MYRIP: variants seen among roughly 807,000 people sequenced by gnomAD.
MYRIP encodes the protein rab effector MyRIP.
Under a neutral mutation model 98.0 loss-of-function variants are expected in MYRIP, and 49 were observed. That is an observed-to-expected ratio of 0.50 (90% CI 0.40 to 0.63). MYRIP has a LOEUF of 0.63. MYRIP is among the 30% of genes least tolerant of loss of function. MYRIP has a pLI of 0.00. For synonymous variants in MYRIP, 404 were observed against 409.5 expected (o/e 0.99, Z 0.16); for missense variants, 1,004 against 1,058.2 (o/e 0.95, Z 0.71).
chr3:39,839,848 G>C (rs1253347318), intron 1 of MYRIP, among the ~76,000 whole-genome samples: 1 of 151,910 alleles, frequency 6.6e-6, no homozygotes, highest in Non-Finnish European at 1.5e-5. Flanking sequence ...GACTATTATG[G>C]TTTCCGTTCC....
intron 3 of MYRIP, among the ~76,000 whole-genome samples, chr3:40,119,934 A>G (rs1949364223): frequency 6.6e-6 from 1 of 151,928 alleles, no homozygotes; most frequent in African/African-American, 2.4e-5. Context: ...AAATAAATAA[A>G]TAAATAAATA....
chr3:39,899,191 T>TA (rs992385546), intron 1 of MYRIP, among the ~76,000 whole-genome samples: 218 of 151,278 alleles, frequency 1.4e-3, no homozygotes, highest in African/African-American at 4.6e-3. Context: ...CCTTATGATC[T>TA]AAAAAAAAAT....
intron 2 of MYRIP, among the ~76,000 whole-genome samples, chr3:40,036,320 A>AC (rs1372841172): frequency 2.0e-5 from 3 of 149,234 alleles, no homozygotes; most frequent in East Asian, 4.0e-4. Flanking sequence ...AAAAAAAAAA[A>AC]AAAACTTTAT....
chr3:40,163,243 T>G (rs1450214599), intron 5 of MYRIP, among the ~76,000 whole-genome samples: 1 of 152,200 alleles, frequency 6.6e-6, no homozygotes, highest in Non-Finnish European at 1.5e-5. Flanking sequence ...CAAATAAAAT[T>G]TTATCATTTC....
intron 7 of MYRIP, among the ~76,000 whole-genome samples, chr3:40,168,887 T>G (rs1341722211): frequency 1.3e-5 from 2 of 152,236 alleles, no homozygotes; most frequent in Non-Finnish European, 2.9e-5. Flanking sequence ...AAGTGCCGTA[T>G]GCAGGAAGTG....
At chr3:39,845,582 A>G (rs543552858) in intron 1 of MYRIP, among the ~76,000 whole-genome samples, 1 of 152,294 alleles carries the variant, frequency 6.6e-6, no homozygotes, top group African/African-American at 2.4e-5. Context: ...AATAGTTGAC[A>G]TTGTTTTAGT....
At chr3:39,861,112 A>C (rs1390333896) in intron 1 of MYRIP, among the ~76,000 whole-genome samples, 1 of 152,244 alleles carries the variant, frequency 6.6e-6, no homozygotes, top group Non-Finnish European at 1.5e-5. Context: ...CCAGTGGTCC[A>C]GGAACATGTT....
intron 3 of MYRIP, among the ~76,000 whole-genome samples, chr3:40,062,288 G>C (rs1948035038): frequency 1.3e-5 from 2 of 152,072 alleles, no homozygotes; most frequent in East Asian, 1.9e-4. Flanking sequence ...CGCAAGGAAG[G>C]GGTTCAGCTT....
intron 3 of MYRIP, among the ~76,000 whole-genome samples, chr3:40,056,434 CTCTTA>C (rs1947886787): frequency 6.6e-6 from 1 of 152,164 alleles, no homozygotes; most frequent in South Asian, 2.1e-4. Context: ...AGCAAGTATA[CTCTTA>C]GAGTCTCTTC....
chr3:39,880,101 C>G (rs990323454), intron 1 of MYRIP, among the ~76,000 whole-genome samples: 8 of 151,924 alleles, frequency 5.3e-5, no homozygotes, highest in African/African-American at 1.9e-4. Flanking sequence ...TACATGTGCA[C>G]AACGTGCAGG....
intron 1 of MYRIP, among the ~76,000 whole-genome samples, chr3:39,864,401 T>A (rs1198738591): frequency 6.6e-6 from 1 of 152,134 alleles, no homozygotes; most frequent in African/African-American, 2.4e-5. Context: ...GAAAACCCAA[T>A]AGTCTCTGCC....
chr3:39,947,341 G>C (rs180832371), intron 2 of MYRIP, among the ~76,000 whole-genome samples: 1 of 151,856 alleles, frequency 6.6e-6, no homozygotes, highest in East Asian at 1.9e-4. Context: ...AAAAAGAGTA[G>C]AATTAGCAAA....
intron 2 of MYRIP, among the ~76,000 whole-genome samples, chr3:39,999,703 G>A (rs1946468276): frequency 6.6e-6 from 1 of 152,136 alleles, no homozygotes; most frequent in South Asian, 2.1e-4. Context: ...TATAAAACAT[G>A]CTGCTATAAA....
intron 11 of MYRIP, among the ~76,000 whole-genome samples, chr3:40,221,263 G>A (rs950811278): frequency 6.6e-5 from 10 of 152,010 alleles, no homozygotes; most frequent in African/African-American, 1.9e-4. Flanking sequence ...CCATGAACAA[G>A]GGAGAGTTTA....
intron 11 of MYRIP, among the ~76,000 whole-genome samples, chr3:40,221,511 G>A (rs1952336444): frequency 6.6e-6 from 1 of 152,140 alleles, no homozygotes; most frequent in Admixed American, 6.6e-5. Flanking sequence ...AGCACCTGTG[G>A]TCCCAGCTAC....
intron 1 of MYRIP, among the ~76,000 whole-genome samples, chr3:39,887,391 G>T (rs113811478): frequency 8.5e-5 from 13 of 152,220 alleles, no homozygotes; most frequent in Admixed American, 3.9e-4. Flanking sequence ...AAAAATTAAG[G>T]AATCCAGGAG....
At chr3:39,896,022 G>T (rs1943602726) in intron 1 of MYRIP, among the ~76,000 whole-genome samples, 1 of 152,128 alleles carries the variant, frequency 6.6e-6, no homozygotes, top group South Asian at 2.1e-4. Flanking sequence ...ATGGTGTTAG[G>T]ACAGTTGGCC....
chr3:40,210,014 C>T lies in MYRIP; in HGVS notation c.1826C>T (p.Pro609Leu). ...TSSGEDQESE[P>L]KTESENQKES... ...TCAGGGGAGGATCAGGAGTCTGAGC[C>T]CAAGACAGAATCTGAGAACCAGAAG... Residue 609 changes from proline to leucine, a missense_variant, in exon 11 of 17, where the codon CCC (proline) becomes CTC (leucine). This residue lies in a region of MYRIP where 880 missense variants were observed against 907.7 expected (regional missense o/e 0.97). Coordinates refer to ENST00000302541, the MANE Select transcript of MYRIP (RefSeq NM_015460.4). 7.4e-6 allele frequency: 12 copies of T among 1,614,002 alleles called. No individual in the cohort carries two copies. Among genetic ancestry groups the T allele is most frequent in the Non-Finnish European group, 8.5e-6 (10 of 1,179,968 alleles).
At chr3:40,095,936 C>T (rs951385618) in intron 3 of MYRIP, among the ~76,000 whole-genome samples, 2 of 151,674 alleles carry the variant, frequency 1.3e-5, no homozygotes, top group Non-Finnish European at 2.9e-5. Context: ...CTCACACACA[C>T]ACATCCCCAT....
Sources: allele counts gnomAD v4.1 joint callset (sites outside exome capture counted in the v4.1 genomes callset), GRCh38; gene constraint gnomAD v4.1.1; regional missense constraint gnomAD v4.1.1; transcripts MANE v1.5; gene names NCBI Gene and HGNC (gene_info 2026-07-23, HGNC 2026-07-21).